The following C7orf57 variants were observed in gnomAD, a reference collection of about 807,000 sequenced individuals.
C7orf57 encodes chromosome 7 open reading frame 57, also known as uncharacterized protein C7orf57.
In C7orf57, 33 loss-of-function variants were observed where a neutral mutation model predicts 39.0. The observed-to-expected ratio is 0.85, with a 90% CI of 0.64 to 1.13. C7orf57 has a LOEUF of 1.13. Ranked by LOEUF, C7orf57 falls within the 50% of genes most tolerant of loss-of-function variation. The pLI is 0.00. For missense variants in C7orf57, 346 were observed against 362.3 expected, an observed-to-expected ratio of 0.95 and a Z score of 0.37; for synonymous variants, 124 against 137.1, an observed-to-expected ratio of 0.90 and a Z score of 0.67.
At chr7:48,039,600 G>A (rs973174272) in intron 2 of C7orf57, among the ~76,000 whole-genome samples, 3 of 152,196 alleles carry the variant, frequency 2.0e-5, no homozygotes, top group South Asian at 2.1e-4. Context: ...AAATTCTACC[G>A]TTTTTAATGT....
At chr7:48,044,423 C>T (rs1437047210) in intron 4 of C7orf57, among the ~76,000 whole-genome samples, 3 of 152,236 alleles carry the variant, frequency 2.0e-5, no homozygotes, top group Non-Finnish European at 4.4e-5. Context: ...GTCCCTCCCC[C>T]TTTGCTCTCA....
At position 48,041,430 on chromosome 7, in the gene C7orf57, A is replaced by C; in HGVS notation, c.152A>C (p.His51Pro). ...GGTCTCAGCAATTTGGGAGACTCAC[A>C]CAGCGAGAACCTGCCTGGGACTCGG... is the stretch of plus-strand genomic sequence containing the variant. ...IPGLSNLGDS[H>P]SENLPGTRRY... The change falls in exon 3 of 9, where the codon CAC becomes CCC. Residue 51 changes from histidine to proline, a missense_variant. By Grantham distance (77) the His-to-Pro change is moderately conservative. Coordinates refer to ENST00000348904, the MANE Select transcript of C7orf57 (RefSeq NM_001100159.3). The C allele has an allele frequency of 6.2e-7, 1 of 1,614,000 alleles. No individual in the cohort carries two copies. Among genetic ancestry groups the C allele is most frequent in the Non-Finnish European group, 8.5e-7 (1 of 1,179,872 alleles).
In C7orf57 at chr7:48,035,983, C is replaced by T. The variant is rs1314867274; in HGVS notation, c.-101-225C>T. On this transcript the variant is annotated intron_variant, in intron 1 of 8. Transcript: ENST00000348904. The surrounding 1 kb of genome is among the most constrained non-coding windows in gnomAD (Gnocchi z 4.0). ...TGTACCCGGAGTGCGTACGTCCCTG[C>T]TGTGTACCCTGTGTGGACGTGCCCT... is the stretch of plus-strand genomic sequence containing the variant. Among the ~76,000 whole-genome samples, 1 of 152,018 alleles carries T rather than the reference C, an allele frequency of 6.6e-6. No individual in the cohort carries two copies. Among genetic ancestry groups the T allele is most frequent in the Non-Finnish European group, 1.5e-5 (1 of 67,984 alleles).
chr7:48,045,536 G>A (rs1012177313), intron 4 of C7orf57, among the ~76,000 whole-genome samples: 2 of 152,138 alleles, frequency 1.3e-5, no homozygotes, highest in Non-Finnish European at 1.5e-5. Flanking sequence ...CCTCCTTCAG[G>A]TGCTTTGCTG....
Position 48,052,910 on chromosome 7 carries a change from T to G in C7orf57, c.816T>G (p.Pro272=). Residue 272 remains proline, a synonymous_variant, in exon 7 of 9, where the codon CCT becomes CCG. Transcript: ENST00000348904. ...RLQDAEASEG[P]EDTPESSQSP... is the part of the protein sequence containing the mutation. ...AGGATGCAGAGGCTTCTGAAGGTCC[T>G]GAGGACACCCCAGGTGAGGCACAAG... 6.2e-7 allele frequency: 1 copy of G among 1,613,480 alleles called. No homozygotes were observed. Among genetic ancestry groups the G allele is most frequent in the Non-Finnish European group, 8.5e-7 (1 of 1,179,486 alleles).
intron 2 of C7orf57, among the ~76,000 whole-genome samples, chr7:48,039,407 C>G (rs1157105159): frequency 6.6e-6 from 1 of 151,914 alleles, no homozygotes; most frequent in Non-Finnish European, 1.5e-5. Context: ...TAAGGAGGCA[C>G]GTCCAGCTTT....
chr7:48,042,507 AACAATAACG>A (rs937401775), intron 3 of C7orf57, among the ~76,000 whole-genome samples: 1 of 152,118 alleles, frequency 6.6e-6, no homozygotes, highest in African/African-American at 2.4e-5. Context: ...TGATTCTGAA[AACAATAACG>A]ACAATAAAAA....
chr7:48,038,383 TATAGATAGATAGATAG>T (rs67831054), intron 2 of C7orf57, among the ~76,000 whole-genome samples: 1 of 150,130 alleles, frequency 6.7e-6, no homozygotes. Context: ...TCTATATACA[TATAGATAGATAGATAG>T]ATAGATAGAT....
Position 48,051,876 on chromosome 7 carries a change from T to C in C7orf57, c.606-824T>C, listed in dbSNP as rs796480968. Among the ~76,000 whole-genome samples, 157 of 69,904 alleles carry C rather than the reference T, an allele frequency of 2.2e-3. 10 individuals carry two copies. Among genetic ancestry groups the C allele is most frequent in the Non-Finnish European group, 3.1e-3 (87 of 27,662 alleles). 45.9% of individuals were successfully genotyped at this position (69,904 alleles called of 152,430 possible). A position where few individuals can be genotyped will look rare whatever the true frequency, so the allele number is the denominator to read the frequency against. ...CTTTCTTTCTTTCTTTCTTTCTCTT[T>C]CTCTTTCTTTCTTTCCTTCCTTCCT... On this transcript the variant is annotated intron_variant, in intron 6 of 8. Coordinates refer to ENST00000348904, the MANE Select transcript of C7orf57 (RefSeq NM_001100159.3).
chr7:48,050,805 G>C (rs2128795497), intron 6 of C7orf57, among the ~76,000 whole-genome samples: 1 of 151,754 alleles, frequency 6.6e-6, no homozygotes, highest in East Asian at 2.0e-4. Context: ...AAGTAGCTGG[G>C]GCTATATGCA....
intron 2 of C7orf57, among the ~76,000 whole-genome samples, chr7:48,039,409 T>C (rs1790479485): frequency 6.6e-6 from 1 of 152,096 alleles, no homozygotes; most frequent in African/African-American, 2.4e-5. Flanking sequence ...AGGAGGCACG[T>C]CCAGCTTTCC....
At chr7:48,042,165 G>A (rs76357739) in intron 3 of C7orf57, among the ~76,000 whole-genome samples, 1,639 of 152,310 alleles carry the variant, frequency 0.011, 18 homozygotes, top group African/African-American at 0.037. Flanking sequence ...CATTACCCCT[G>A]TGGGGATTGT....
intron 4 of C7orf57, among the ~76,000 whole-genome samples, chr7:48,045,203 G>T (rs1037593051): frequency 6.6e-6 from 1 of 152,142 alleles, no homozygotes; most frequent in African/African-American, 2.4e-5. Context: ...ATGAAGAGTG[G>T]GAAGCTCAGG....
Position 48,046,454 on chromosome 7 carries a change from T to A in C7orf57, c.351-6T>A. ...ACCAGGCTGTAACTGGTGTCTGTCCTTGCAGAGTGCGGGCTGTCTCCATGC... is the reference window on the plus strand; with the variant it reads ...ACCAGGCTGTAACTGGTGTCTGTCCATGCAGAGTGCGGGCTGTCTCCATGC... On this transcript the variant is annotated splice_region_variant and splice_polypyrimidine_tract_variant and intron_variant, in intron 4 of 8. Coordinates refer to ENST00000348904, the MANE Select transcript of C7orf57 (RefSeq NM_001100159.3). 1 of 1,612,238 alleles carries A rather than the reference T, an allele frequency of 6.2e-7. No homozygotes were observed. The highest frequency in any genetic ancestry group is 1.1e-5 in the South Asian group (1 of 90,686).
At chr7:48,041,871 A>T (rs1053598761) in intron 3 of C7orf57, among the ~76,000 whole-genome samples, 6 of 152,168 alleles carry the variant, frequency 3.9e-5, no homozygotes, top group Non-Finnish European at 8.8e-5. Context: ...GCATGCTACC[A>T]ATTCTTGTCT....
intron 2 of C7orf57, among the ~76,000 whole-genome samples, chr7:48,039,432 C>A (rs1043770735): frequency 2.0e-5 from 3 of 151,586 alleles, no homozygotes; most frequent in Non-Finnish European, 4.4e-5. Flanking sequence ...CCCATTATGG[C>A]CTGAACTAAT....
rs542678503 is a variant in C7orf57 at position 48,059,853 on chromosome 7, G to A, written c.842-373G>A. ...TGGGAGCAGGGACACGTGCCATGCC[G>A]AGGCTGACAGACAGCCTGAGTTGCC... On this transcript the variant is annotated intron_variant, in intron 8 of 8. Transcript: ENST00000348904. Among the ~76,000 whole-genome samples the A allele has an allele frequency of 9.2e-5, 14 of 152,218 alleles. 1 individual carries two copies. In the South Asian group the frequency reaches 2.7e-3, roughly 29 times the overall value.
chr7:48,051,347 A>ATTTTTTTT lies in C7orf57; in HGVS notation c.606-1340_606-1333dup, dbSNP rs71006546. Among the ~76,000 whole-genome samples, 15 of 69,778 alleles carry ATTTTTTTT rather than the reference A, an allele frequency of 2.1e-4. 3 individuals are homozygous for ATTTTTTTT. The highest frequency in any genetic ancestry group is 2.0e-4 in the Admixed American group (1 of 5,028). 45.8% of individuals were successfully genotyped at this position (69,778 alleles called of 152,430 possible). On this transcript the variant is annotated intron_variant, in intron 6 of 8. Transcript: ENST00000348904. The stretch of plus-strand genomic sequence containing the variant: ...AGGTGCCTGCCACCACAGCTGGCTA[A>ATTTTTTTT]TTTTTTTTTTTTTTTTTTTTGGAGA...
rs1280944666 is a variant in C7orf57 at position 48,035,601 on chromosome 7, G to A, written c.-131G>A. On this transcript the variant is annotated 5_prime_UTR_variant, in exon 1 of 9. Transcript: ENST00000348904. This position sits in a 1 kb window ranked among gnomAD's most constrained non-coding sequence, Gnocchi z 4.0. The stretch of plus-strand genomic sequence containing the variant: ...AAAACTCCAACGCCGGGCGCCGCGG[G>A]CAGCACCCACGGAGACCCGCGGGGA... The A allele has an allele frequency of 4.3e-6, 3 of 693,832 alleles. No individual in the cohort carries two copies. The highest frequency in any genetic ancestry group is 5.2e-6 in the Non-Finnish European group (2 of 381,170). The allele number at this position is 693,832 out of a possible 1,614,324, so 43.0% of individuals were successfully genotyped here.
Sources: allele counts gnomAD v4.1 joint callset (sites outside exome capture counted in the v4.1 genomes callset), GRCh38; gene constraint gnomAD v4.1.1; non-coding constraint Gnocchi (gnomAD v3.1); transcripts MANE v1.5; gene names NCBI Gene and HGNC (gene_info 2026-07-23, HGNC 2026-07-21).